Variants in LRP1B observed in about 807,000 individuals in gnomAD.
LRP1B encodes low-density lipoprotein receptor-related protein 1B.
LRP1B carries 217 observed loss-of-function variants against 556.6 expected under a neutral mutation model. The observed-to-expected ratio is 0.39, with a 90% CI of 0.35 to 0.44. The LOEUF is 0.44. Among genes scored for constraint, LRP1B ranks in the 20% least tolerant of loss-of-function variants. The pLI is 1.00. For missense variants in LRP1B, 5,053 were observed against 5,620.8 expected (o/e 0.90, Z 3.23); for synonymous variants, 2,047 against 1,865.8 (o/e 1.10, Z -2.50).
At chr2:140,805,583 A>G (rs796803798) in intron 32 of LRP1B, among the ~76,000 whole-genome samples, 2 of 152,354 alleles carry the variant, frequency 1.3e-5, no homozygotes, top group African/African-American at 4.8e-5. Context: ...TCTGATTAGC[A>G]TAACTTCACA....
chr2:141,526,870 A>G (rs905534651), intron 2 of LRP1B, among the ~76,000 whole-genome samples: 1 of 152,072 alleles, frequency 6.6e-6, no homozygotes, highest in Non-Finnish European at 1.5e-5. Flanking sequence ...AACCATTTAG[A>G]TAAATTAAAA....
intron 28 of LRP1B, among the ~76,000 whole-genome samples, chr2:140,851,304 C>T (rs1030580570): frequency 6.6e-6 from 1 of 152,042 alleles, no homozygotes; most frequent in African/African-American, 2.4e-5. Flanking sequence ...CTTTGTTATG[C>T]AGGTTACCTA....
intron 27 of LRP1B, among the ~76,000 whole-genome samples, chr2:140,852,350 C>G (rs975775980): frequency 6.6e-6 from 1 of 152,000 alleles, no homozygotes; most frequent in East Asian, 1.9e-4. Context: ...CAAAAAAAGA[C>G]GTCAAGACTT....
chr2:142,001,054 C>T (rs1702635680), intron 1 of LRP1B, among the ~76,000 whole-genome samples: 1 of 152,114 alleles, frequency 6.6e-6, no homozygotes, highest in Non-Finnish European at 1.5e-5. Context: ...AGGGTTTCCC[C>T]TTTTGCTTGG....
At chr2:141,869,905 T>C (rs549983505) in intron 1 of LRP1B, among the ~76,000 whole-genome samples, 3 of 152,042 alleles carry the variant, frequency 2.0e-5, no homozygotes, top group Non-Finnish European at 4.4e-5. Context: ...CCCAAGAAAG[T>C]TTAAATAAAT....
At chr2:141,927,829 C>G (rs767934503) in intron 1 of LRP1B, among the ~76,000 whole-genome samples, 62 of 148,536 alleles carry the variant, frequency 4.2e-4, no homozygotes, top group Admixed American at 1.2e-3. Context: ...CATCTTCCCC[C>G]CAAGCTACAG....
chr2:141,120,249 A>G (rs1558874042), intron 7 of LRP1B, among the ~76,000 whole-genome samples: 1 of 152,008 alleles, frequency 6.6e-6, no homozygotes, highest in East Asian at 1.9e-4. Context: ...CCCTCAATGA[A>G]GGATATTCAT....
intron 60 of LRP1B, among the ~76,000 whole-genome samples, chr2:140,471,891 C>A (rs1377738774): frequency 1.3e-5 from 2 of 152,114 alleles, no homozygotes; most frequent in South Asian, 2.1e-4. Flanking sequence ...ATTGAGTAAA[C>A]CCCATGCTAT....
intron 7 of LRP1B, among the ~76,000 whole-genome samples, chr2:141,064,609 C>A (rs1699429879): frequency 6.6e-6 from 1 of 151,916 alleles, no homozygotes; most frequent in Admixed American, 6.6e-5. Flanking sequence ...TGCAAAAAAT[C>A]AAAGAGTCCT....
chr2:140,491,585 A>G (rs1457561772), intron 57 of LRP1B, among the ~76,000 whole-genome samples: 2 of 140,254 alleles, frequency 1.4e-5, no homozygotes, highest in South Asian at 2.2e-4. Context: ...AAAAATACAG[A>G]AAAAAATATA....
chr2:142,001,062 T>C (rs116656953), intron 1 of LRP1B, among the ~76,000 whole-genome samples: 2,407 of 152,266 alleles, frequency 0.016, 75 homozygotes, highest in African/African-American at 0.055. Flanking sequence ...CCCTTTTGCT[T>C]GGCTCTTGTT....
intron 41 of LRP1B, among the ~76,000 whole-genome samples, chr2:140,697,211 G>T (rs1159616954): frequency 6.6e-6 from 1 of 152,060 alleles, no homozygotes; most frequent in Non-Finnish European, 1.5e-5. Context: ...AGAGTGATTT[G>T]ATTGTATGTA....
intron 3 of LRP1B, among the ~76,000 whole-genome samples, chr2:141,424,965 A>T (rs1559063582): frequency 1.3e-5 from 2 of 151,924 alleles, no homozygotes; most frequent in African/African-American, 2.4e-5. Flanking sequence ...CATGTGCACA[A>T]TGTGCAGGTT....
At chr2:141,934,359 CTG>C (rs1297143632) in intron 1 of LRP1B, among the ~76,000 whole-genome samples, 3 of 151,992 alleles carry the variant, frequency 2.0e-5, no homozygotes, top group African/African-American at 7.2e-5. Context: ...TAAAAAATGA[CTG>C]AGAATTTTTT....
chr2:140,932,980 T>TACACATATACACATA (rs1559202697), intron 20 of LRP1B, among the ~76,000 whole-genome samples: 1 of 151,616 alleles, frequency 6.6e-6, no homozygotes, highest in Non-Finnish European at 1.5e-5. Context: ...TGTATATATA[T>TACACATATACACATA]TCTGATGCCA....
chr2:141,869,517 A>G (rs1698517639), intron 1 of LRP1B, among the ~76,000 whole-genome samples: 5 of 152,088 alleles, frequency 3.3e-5, no homozygotes, highest in Admixed American at 2.0e-4. Context: ...ATTCGAACCT[A>G]GGAAAGCTGC....
intron 9 of LRP1B, among the ~76,000 whole-genome samples, chr2:141,056,166 A>G (rs1415903702): frequency 6.6e-6 from 1 of 151,810 alleles, no homozygotes; most frequent in African/African-American, 2.4e-5. Flanking sequence ...TCAGAAGATG[A>G]GTGAAATGCA....
At chr2:140,301,806 T>C (rs1223985879) in intron 83 of LRP1B, among the ~76,000 whole-genome samples, 5 of 151,670 alleles carry the variant, frequency 3.3e-5, no homozygotes, top group African/African-American at 1.2e-4. Flanking sequence ...TTTACATATA[T>C]AAAGTACAGA....
chr2:140,587,050 C>T (rs140489423), intron 43 of LRP1B, among the ~76,000 whole-genome samples: 3 of 151,752 alleles, frequency 2.0e-5, no homozygotes, highest in Admixed American at 6.6e-5. Context: ...TAGAACTGAA[C>T]GTAAAATAAC....
Sources: allele counts gnomAD v4.1 joint callset (sites outside exome capture counted in the v4.1 genomes callset), GRCh38; gene constraint gnomAD v4.1.1; transcripts MANE v1.5; gene names NCBI Gene and HGNC (gene_info 2026-07-23, HGNC 2026-07-21).